The following SCRG1 variants were observed in gnomAD, a reference collection of about 807,000 sequenced individuals.
SCRG1 encodes scrapie-responsive protein 1.
In SCRG1, 3 loss-of-function variants were observed where a neutral mutation model predicts 7.7. That is an observed-to-expected ratio of 0.39 (90% CI 0.18 to 1.01). SCRG1 has a LOEUF of 1.01. SCRG1 is among the 50% of genes least tolerant of loss of function. The probability of loss-of-function intolerance (pLI) is 0.36; values close to 1 mark genes in which losing one functional copy is unlikely to be tolerated. For synonymous variants in SCRG1, 46 were observed against 41.2 expected, an observed-to-expected ratio of 1.12 and a Z score of -0.44; for missense variants, 110 against 117.2, an observed-to-expected ratio of 0.94 and a Z score of 0.28.
chr4:173,445,732 C>A, the SCRG1 span, among the ~76,000 whole-genome samples: 1 of 148,162 alleles, frequency 6.7e-6, no homozygotes, highest in Admixed American at 6.7e-5. Context: ...GTGGCGGGAT[C>A]TCGGCTCACT....
chr4:173,493,563 A>G, the SCRG1 span, among the ~76,000 whole-genome samples: 74 of 149,558 alleles, frequency 4.9e-4, no homozygotes, highest in Middle Eastern at 6.9e-3. Flanking sequence ...GGTTTCAGTG[A>G]GCCAAGATCG....
At chr4:173,480,450 AG>A in the SCRG1 span, among the ~76,000 whole-genome samples, 2 of 152,276 alleles carry the variant, frequency 1.3e-5, no homozygotes, top group South Asian at 4.1e-4. Flanking sequence ...GGATTAAAAA[AG>A]ATGGACGACA....
At chr4:173,403,218 C>T (rs889344583), upstream of SCRG1, 5 of 152,118 alleles carry the variant, frequency 3.3e-5, no homozygotes, top group African/African-American at 4.8e-5. Context: ...GCAGAATCAC[C>T]AAGTAGCTGT....
At chr4:173,392,425 C>A (rs1049624489) in intron 1 of SCRG1, among the ~76,000 whole-genome samples, 2 of 152,176 alleles carry the variant, frequency 1.3e-5, no homozygotes, top group African/African-American at 2.4e-5. Flanking sequence ...CAACATATCC[C>A]ATTGATACAG....
At chr4:173,418,703 G>T in the SCRG1 span, among the ~76,000 whole-genome samples, 1 of 152,148 alleles carries the variant, frequency 6.6e-6, no homozygotes, top group Non-Finnish European at 1.5e-5. Context: ...TCTCAGTGTT[G>T]CAGGAGGGGC....
At chr4:173,506,007 C>A in the SCRG1 span, among the ~76,000 whole-genome samples, 1 of 152,192 alleles carries the variant, frequency 6.6e-6, no homozygotes, top group Non-Finnish European at 1.5e-5. This position sits in a 1 kb window ranked among gnomAD's most constrained non-coding sequence, Gnocchi z 5.3. Context: ...TGCTTCTAAG[C>A]CTGTGTTGTC....
rs1160437490 is a variant in SCRG1, at chr4:173,387,044, C to T, written c.*1297G>A. 6.6e-6 allele frequency: 1 copy of T among 152,086 alleles called. No homozygotes were observed. Among genetic ancestry groups the T allele is most frequent in the East Asian group, 1.9e-4 (1 of 5,192 alleles). 9.4% of individuals were successfully genotyped at this position (152,086 alleles called of 1,614,324 possible). ...ACAATCAGAAAATACCTTTGAAGTT[C>T]CCTGTTTTATTTACTTTTAAAATGT... is the stretch of plus-strand genomic sequence containing the variant. On this transcript the variant is annotated 3_prime_UTR_variant, in exon 3 of 3. Coordinates refer to ENST00000296506, the MANE Select transcript of SCRG1 (RefSeq NM_007281.4).
In SCRG1 at chr4:173,389,065, CA is replaced by C. The variant is rs200956894; in HGVS notation, c.243-671del. On this transcript the variant is annotated intron_variant, in intron 2 of 2. Transcript: ENST00000296506. ...TTCAGTAAACTGTTTTCAAGTCATA[CA>C]AAAAAAAAGCAAACATGGCATTTTA... is the stretch of plus-strand genomic sequence containing the variant. Among the ~76,000 whole-genome samples the C allele has an allele frequency of 4.8e-3, 714 of 150,182 alleles. 9 individuals carry two copies. The highest frequency in any genetic ancestry group is 6.9e-3 in the Middle Eastern group (2 of 290).
the SCRG1 span, among the ~76,000 whole-genome samples, chr4:173,501,611 C>T: frequency 6.6e-6 from 1 of 152,120 alleles, no homozygotes; most frequent in African/African-American, 2.4e-5. This position sits in a 1 kb window ranked among gnomAD's most constrained non-coding sequence, Gnocchi z 5.1. Context: ...GGGGGCCGGG[C>T]TCTCCCTGAC....
chr4:173,412,456 C>T, the SCRG1 span, among the ~76,000 whole-genome samples: 144,390 of 152,286 alleles, frequency 0.95, 68,924 homozygotes, highest in East Asian at 1. Flanking sequence ...CCTTGATTCC[C>T]GGAAGGAGCT....
the SCRG1 span, among the ~76,000 whole-genome samples, chr4:173,475,490 C>G: frequency 6.6e-6 from 1 of 152,182 alleles, no homozygotes; most frequent in African/African-American, 2.4e-5. Flanking sequence ...TTGTACATTG[C>G]TGGTGGGAAT....
At chr4:173,485,378 C>T in the SCRG1 span, among the ~76,000 whole-genome samples, 1 of 149,372 alleles carries the variant, frequency 6.7e-6, no homozygotes, top group Admixed American at 6.9e-5. Flanking sequence ...AACACATGGC[C>T]CAGCTGACAG....
At chr4:173,446,015 A>G in the SCRG1 span, among the ~76,000 whole-genome samples, 1 of 152,130 alleles carries the variant, frequency 6.6e-6, no homozygotes, top group Non-Finnish European at 1.5e-5. Flanking sequence ...TTCTTGAGAC[A>G]TCATTCAGTC....
the SCRG1 span, among the ~76,000 whole-genome samples, chr4:173,461,318 A>G: frequency 1.3e-5 from 2 of 152,242 alleles, no homozygotes; most frequent in Non-Finnish European, 2.9e-5. Flanking sequence ...TTGTGGTCAC[A>G]GGGGTACTCG....
At chr4:173,495,085 C>G in the SCRG1 span, among the ~76,000 whole-genome samples, 1 of 152,188 alleles carries the variant, frequency 6.6e-6, no homozygotes, top group Admixed American at 6.5e-5. Context: ...ACAGGGCCTT[C>G]GGTAACTGCC....
chr4:173,452,412 CAGA>C, the SCRG1 span, among the ~76,000 whole-genome samples: 1 of 152,056 alleles, frequency 6.6e-6, no homozygotes, highest in Non-Finnish European at 1.5e-5. Context: ...GTGGCAGAGG[CAGA>C]AGAAAATCCA....
chr4:173,489,509 A>AT, the SCRG1 span, among the ~76,000 whole-genome samples: 1 of 125,696 alleles, frequency 8.0e-6, no homozygotes, highest in African/African-American at 3.6e-5. Context: ...CTGCGTTTCT[A>AT]ATTTTTTTTT....
chr4:173,455,364 AC>A, the SCRG1 span, among the ~76,000 whole-genome samples: 1 of 152,320 alleles, frequency 6.6e-6, no homozygotes, highest in East Asian at 1.9e-4. Flanking sequence ...CGGGGACTAA[AC>A]AACACTTAAT....
chr4:173,428,223 A>C, the SCRG1 span, among the ~76,000 whole-genome samples: 143,929 of 152,278 alleles, frequency 0.95, 68,550 homozygotes, highest in East Asian at 1. Context: ...GGGAATCACA[A>C]TTTACCCCTT....
Sources: allele counts gnomAD v4.1 joint callset (sites outside exome capture counted in the v4.1 genomes callset), GRCh38; gene constraint gnomAD v4.1.1; non-coding constraint Gnocchi (gnomAD v3.1); transcripts MANE v1.5; gene names NCBI Gene and HGNC (gene_info 2026-07-23, HGNC 2026-07-21).